Variants in DGKZ observed in about 807,000 individuals in gnomAD.
DGKZ encodes the protein diacylglycerol kinase zeta.
Under a neutral mutation model 142.5 loss-of-function variants are expected in DGKZ, and 45 were observed. That is an observed-to-expected ratio of 0.32 (90% confidence interval 0.25 to 0.40). The LOEUF (loss-of-function observed/expected upper bound fraction) is 0.40. Ranked by LOEUF, DGKZ falls within the 10% of genes least tolerant of loss-of-function variation. The pLI is 1.00. For synonymous variants in DGKZ, 442 were observed against 527.0 expected, an observed-to-expected ratio of 0.84 and a Z score of 2.21; for missense variants, 755 against 1,306.5, an observed-to-expected ratio of 0.58 and a Z score of 6.51.
intron 1 of DGKZ, among the ~76,000 whole-genome samples, chr11:46,339,292 TA>T (rs1470978679): frequency 3.3e-5 from 5 of 152,202 alleles, no homozygotes. Context: ...AGCAACAGGA[TA>T]AAGCAAGGAG....
chr11:46,378,665 C>T (rs1944845729), intron 27 of DGKZ, 165 bp downstream of exon 27: 1 of 1,012,128 alleles, frequency 9.9e-7, no homozygotes, highest in African/African-American at 1.6e-5. Context: ...TTCACTGTAT[C>T]TCTGTCTAGG....
Position 46,379,241 on chromosome 11 carries a change from GTATC to G in DGKZ, c.2573+7_2573+10del, listed in dbSNP as rs552317951. ...CCTTGATGCGGTGGAGGAAAAGTAAGTATCTGGGCAGTGCAGAACCGTGGTCACC... is the reference window on the plus strand; with the variant it reads ...CCTTGATGCGGTGGAGGAAAAGTAAGTGGGCAGTGCAGAACCGTGGTCACC... On this transcript the variant is annotated splice_donor_region_variant and intron_variant, in intron 29 of 30. Coordinates refer to ENST00000527911, the Ensembl canonical transcript of DGKZ. The G allele has an allele frequency of 3.0e-3, 4,762 of 1,613,198 alleles. 12 individuals are homozygous for G. The highest frequency in any genetic ancestry group is 3.8e-3 in the Non-Finnish European group (4,466 of 1,179,936).
chr11:46,380,068 C>A, exon 31 of DGKZ: 1 of 1,006,230 alleles, frequency 9.9e-7, no homozygotes, highest in South Asian at 1.7e-5. Flanking sequence ...AGGGAAAGAG[C>A]CCCATGCCGC....
upstream of DGKZ, among the ~76,000 whole-genome samples, chr11:46,343,955 CT>C (rs36078017): frequency 2.6e-3 from 379 of 144,488 alleles, no homozygotes; most frequent in Middle Eastern, 7.1e-3. Context: ...TATAGCACAT[CT>C]TTTTTTTTTT....
upstream of DGKZ, among the ~76,000 whole-genome samples, chr11:46,346,079 C>T (rs149942934): frequency 2.8e-3 from 420 of 152,350 alleles, 1 homozygote; most frequent in African/African-American, 9.9e-3. Flanking sequence ...GCTGGAGCCC[C>T]ACCTCCCTGA....
chr11:46,362,551 ACT>A (rs201947488), intron 1 of DGKZ, among the ~76,000 whole-genome samples: 3,279 of 151,898 alleles, frequency 0.022, 53 homozygotes, highest in Non-Finnish European at 0.033. Flanking sequence ...ATCACCAGGC[ACT>A]CTCTCTCTGT....
intron 6 of DGKZ, 27 bp from the exon 7 acceptor site, chr11:46,371,286 G>T (rs1239018419): frequency 1.2e-6 from 2 of 1,610,608 alleles, no homozygotes; most frequent in African/African-American, 1.3e-5. Context: ...GCCTGCCCTG[G>T]TTCCCATCCA....
chr11:46,352,821 G>A (rs923386662), intron 1 of DGKZ, among the ~76,000 whole-genome samples: 11 of 152,336 alleles, frequency 7.2e-5, no homozygotes, highest in African/African-American at 2.2e-4. Context: ...CCTCTGTTCC[G>A]TGTCGGGGTC....
At chr11:46,366,854 G>A in intron 1 of DGKZ, 1 of 1,546,622 alleles carries the variant, frequency 6.5e-7, no homozygotes, top group Non-Finnish European at 8.7e-7. Flanking sequence ...CCCTGGCCCT[G>A]GGGGCCGAAG....
At position 46,379,421 on chromosome 11, in the gene DGKZ, T is replaced by A. The variant is rs756255199; in HGVS notation, c.2574-33T>A. 7.5e-6 allele frequency: 12 copies of A among 1,591,424 alleles called. No individual in the cohort carries two copies. In the Admixed American group the frequency reaches 2.1e-4, roughly 28 times the overall value. ...TGATGGCCCTTGGGAGACAGATGGG[T>A]GGATCAGGGGACGGGATGGGGTACA... is the stretch of plus-strand genomic sequence containing the variant. On this transcript the variant is annotated intron_variant, in intron 29 of 30. Transcript: ENST00000527911.
intron 1 of DGKZ, among the ~76,000 whole-genome samples, chr11:46,350,484 G>T (rs1312561556): frequency 6.6e-6 from 1 of 151,826 alleles, no homozygotes; most frequent in Non-Finnish European, 1.5e-5. Flanking sequence ...TCCACCCCAT[G>T]TCCCCCATCC....
At chr11:46,359,384 G>A (rs538790756) in intron 1 of DGKZ, among the ~76,000 whole-genome samples, 24 of 152,110 alleles carry the variant, frequency 1.6e-4, no homozygotes, top group Middle Eastern at 3.4e-3. Context: ...GGCTGGGGTT[G>A]CAGTGAGCTG....
intron 1 of DGKZ, among the ~76,000 whole-genome samples, chr11:46,337,288 T>TC (rs1491192155): frequency 9.9e-6 from 1 of 101,400 alleles, no homozygotes; most frequent in African/African-American, 4.1e-5. Context: ...AAATGGGTTC[T>TC]TTTTTTTTTT....
At chr11:46,375,318 G>A in intron 19 of DGKZ, 114 bp from the exon 20 acceptor site, 2 of 1,247,190 alleles carry the variant, frequency 1.6e-6, no homozygotes, top group Admixed American at 2.2e-5. Flanking sequence ...TCTGGCCAGG[G>A]GTCACTCTCA....
chr11:46,368,827 G>T (rs1943607445), intron 4 of DGKZ: 1 of 166,422 alleles, frequency 6.0e-6, no homozygotes, highest in Non-Finnish European at 1.3e-5. Context: ...TTAGCTAAAG[G>T]TCTCCAGGGG....
At position 46,374,207 on chromosome 11, in the gene DGKZ, C is replaced by T. The variant is rs1289559835; in HGVS notation, c.1377C>T (p.His459=). 10 of 1,614,056 alleles carry T rather than the reference C, an allele frequency of 6.2e-6. No homozygotes were observed. In the East Asian group the frequency reaches 6.7e-5, roughly 11 times the overall value. ...ACTTCAGCCTGGGCTTTGACGCCCACGTCACCCTGGAGTTCCACGAGTCTC... is the reference window on the plus strand; with the variant it reads ...ACTTCAGCCTGGGCTTTGACGCCCATGTCACCCTGGAGTTCCACGAGTCTC... Residue 459 remains histidine, a synonymous_variant, in exon 15 of 31, where the codon CAC becomes CAT. Coordinates refer to ENST00000527911, the Ensembl canonical transcript of DGKZ.
chr11:46,378,734 T>A (rs1169688565), intron 27 of DGKZ: 3 of 838,994 alleles, frequency 3.6e-6, no homozygotes, highest in Non-Finnish European at 5.9e-6. Flanking sequence ...CCCTGGTGCT[T>A]AGAAAGGAGC....
At chr11:46,361,728 C>T (rs1942672807) in intron 1 of DGKZ, 8 of 961,214 alleles carry the variant, frequency 8.3e-6, no homozygotes, top group Non-Finnish European at 9.9e-6. Flanking sequence ...CCCCCAGCCC[C>T]TCCTTGCTTT....
Position 46,372,825 on chromosome 11 carries a change from G to C in DGKZ, c.1126G>C (p.Val376Leu). ...GCTACGCCTGAAGCCGCCACCCCCT[G>C]TTGCCATCCTGCCCCTGGGTACTGG... The change falls in exon 13 of 31, where the codon GTT becomes CTT. Residue 376 changes from valine to leucine, a missense_variant. This residue lies in a region of DGKZ where 191 missense variants were observed against 472.1 expected (regional missense o/e 0.40). Transcript: ENST00000527911. The surrounding 1 kb of genome is among the most constrained non-coding windows in gnomAD (Gnocchi z 5.9). 6.2e-7 allele frequency: 1 copy of C among 1,602,886 alleles called. No homozygotes were observed. The highest frequency in any genetic ancestry group is 8.5e-7 in the Non-Finnish European group (1 of 1,174,848).
Sources: gnomAD v4.1 joint callset for allele counts (sites outside exome capture counted in the v4.1 genomes callset) on GRCh38, gnomAD v4.1.1 for gene constraint, gnomAD v4.1.1 regional missense constraint, Gnocchi (gnomAD v3.1) non-coding constraint, MANE v1.5 for transcripts, NCBI Gene and HGNC (gene_info 2026-07-23, HGNC 2026-07-21) for gene names.